The following ACO1 variants were observed in gnomAD, a reference collection of about 807,000 sequenced individuals.
ACO1 encodes the protein cytoplasmic aconitate hydratase.
A neutral mutation model predicts 105.1 loss-of-function variants in ACO1; 78 were observed. The observed-to-expected ratio is 0.74, with a 90% CI of 0.62 to 0.90. The LOEUF (loss-of-function observed/expected upper bound fraction) is 0.90. ACO1 is among the 40% of genes least tolerant of loss of function. The probability of loss-of-function intolerance (pLI) is 0.00; values close to 1 mark genes in which losing one functional copy is unlikely to be tolerated. For synonymous variants in ACO1, 364 were observed against 397.4 expected (o/e 0.92, Z 1.00); for missense variants, 965 against 1,111.1 (o/e 0.87, Z 1.87).
rs1390754139 is a variant in ACO1, at chr9:32,429,194, A to T, written c.1485-225A>T. ...TTTCAACTTTTTTAAATTGTTGCTC[A>T]TTCAATTTGATTCCTTTTTATAAGT... On this transcript the variant is annotated intron_variant, in intron 12 of 20. Coordinates refer to ENST00000309951, the MANE Select transcript of ACO1 (RefSeq NM_002197.3). Among the ~76,000 whole-genome samples, 3 of 152,230 alleles carry T rather than the reference A, an allele frequency of 2.0e-5. No individual in the cohort carries two copies. The East Asian group carries it at 5.8e-4, about 29-fold the overall frequency.
intron 9 of ACO1, 72 bp downstream of exon 9, chr9:32,423,491 T>C: frequency 9.6e-7 from 1 of 1,037,450 alleles, no homozygotes; most frequent in African/African-American, 1.6e-5. Flanking sequence ...TGGTTTTTCT[T>C]GGGGGAATGC....
rs541311364 is a variant in ACO1 at position 32,453,041 on chromosome 9, T to C, written c.*2930T>C. 2.1e-5 allele frequency: 3 copies of C among 142,840 alleles called. No individual in the cohort carries two copies. Among genetic ancestry groups the C allele is most frequent in the Admixed American group, 1.5e-4 (2 of 13,578 alleles). 8.8% of individuals were successfully genotyped at this position (142,840 alleles called of 1,614,324 possible). ...CACTAACAAGCCTAAATAAACCAACTTCTTTTACCTGGTTCTTTAAGGGCT... is the reference window on the plus strand; with the variant it reads ...CACTAACAAGCCTAAATAAACCAACCTCTTTTACCTGGTTCTTTAAGGGCT... On this transcript the variant is annotated 3_prime_UTR_variant, in exon 21 of 21. Transcript: ENST00000309951.
At chr9:32,429,535 G>A in intron 13 of ACO1, 32 bp downstream of exon 13, 1 of 1,579,926 alleles carries the variant, frequency 6.3e-7, no homozygotes, top group Non-Finnish European at 8.7e-7. Context: ...GGTCTTCAGA[G>A]CAGTTGTTTC....
intron 15 of ACO1, among the ~76,000 whole-genome samples, chr9:32,432,192 G>A (rs1041066874): frequency 6.6e-6 from 1 of 152,136 alleles, no homozygotes; most frequent in Non-Finnish European, 1.5e-5. Flanking sequence ...GTGTCACTAA[G>A]TGGAGTCCAT....
In ACO1 at chr9:32,450,217, G is replaced by A. The variant is rs775052309; in HGVS notation, c.*106G>A. The A allele has an allele frequency of 6.9e-6, 6 of 863,502 alleles. No homozygotes were observed. Among genetic ancestry groups the A allele is most frequent in the Non-Finnish European group, 1.2e-5 (6 of 500,308 alleles). 53.5% of individuals were successfully genotyped at this position (863,502 alleles called of 1,614,324 possible). On this transcript the variant is annotated 3_prime_UTR_variant, in exon 21 of 21. Transcript: ENST00000309951. Reference sequence around the variant, plus strand: ...CTGCCTCTGGGAGGGGTGCTGCCTTGTAGATGGAGCAAGTGAGCACTGAGG... The same window carrying A: ...CTGCCTCTGGGAGGGGTGCTGCCTTATAGATGGAGCAAGTGAGCACTGAGG...
At position 32,453,787 on chromosome 9, in the gene ACO1, C is replaced by T. The variant is rs962760935; in HGVS notation, c.*3676C>T. 6.6e-6 allele frequency: 1 copy of T among 152,200 alleles called. No homozygotes were observed. The highest frequency in any genetic ancestry group is 1.5e-5 in the Non-Finnish European group (1 of 68,040). The allele number at this position is 152,200 out of a possible 1,614,324, so 9.4% of individuals were successfully genotyped here. On this transcript the variant is annotated 3_prime_UTR_variant, in exon 21 of 21. Coordinates refer to ENST00000309951, the MANE Select transcript of ACO1 (RefSeq NM_002197.3). The stretch of plus-strand genomic sequence containing the variant: ...TAGCCAAGGTTCTACTGGCTGCCTT[C>T]TTAGGACATTATTAAATATCATAAA...
intron 9 of ACO1, among the ~76,000 whole-genome samples, chr9:32,423,756 A>G (rs932895773): frequency 6.6e-6 from 1 of 152,190 alleles, no homozygotes; most frequent in African/African-American, 2.4e-5. Context: ...ACTCAGGGCA[A>G]AGGGTGGGAG....
intron 1 of ACO1, among the ~76,000 whole-genome samples, chr9:32,393,515 T>C (rs1164807983): frequency 6.6e-6 from 1 of 152,210 alleles, no homozygotes; most frequent in Non-Finnish European, 1.5e-5. Context: ...CTCAGTCTTA[T>C]GGTCCTGTGA....
chr9:32,432,663 C>T (rs1822265854), intron 15 of ACO1, among the ~76,000 whole-genome samples: 1 of 152,164 alleles, frequency 6.6e-6, no homozygotes, highest in African/African-American at 2.4e-5. Context: ...AGGCCACTTC[C>T]CAAAACACTC....
chr9:32,418,577 C>A, intron 6 of ACO1, 66 bp downstream of exon 6: 1 of 1,494,638 alleles, frequency 6.7e-7, no homozygotes, highest in Non-Finnish European at 9.1e-7. Context: ...TCTATTACAT[C>A]TCAGTAACAT....
chr9:32,454,758 C>T lies in ACO1; in HGVS notation c.*4647C>T, dbSNP rs1463031857. 1 of 151,382 alleles carries T rather than the reference C, an allele frequency of 6.6e-6. No homozygotes were observed. The highest frequency in any genetic ancestry group is 2.1e-4 in the South Asian group (1 of 4,752). 9.4% of individuals were successfully genotyped at this position (151,382 alleles called of 1,614,324 possible). A position where few individuals can be genotyped will look rare whatever the true frequency, so the allele number is the denominator to read the frequency against. On this transcript the variant is annotated 3_prime_UTR_variant, in exon 21 of 21. Transcript: ENST00000309951. Reference sequence around the variant, plus strand: ...GCAATGACATTATTCCATTAAAAGTCAAACAAGGAAATGCTAAGTTCTCCT... The same window carrying T: ...GCAATGACATTATTCCATTAAAAGTTAAACAAGGAAATGCTAAGTTCTCCT...
intron 1 of ACO1, among the ~76,000 whole-genome samples, chr9:32,400,233 A>T (rs975763958): frequency 6.6e-6 from 1 of 151,992 alleles, no homozygotes. Flanking sequence ...GACCTCCTAA[A>T]GTGCTGGGAT....
Position 32,430,478 on chromosome 9 carries a change from C to T in ACO1, c.1630C>T (p.Pro544Ser), listed in dbSNP as rs1214471885. The T allele has an allele frequency of 1.9e-6, 3 of 1,611,748 alleles. No homozygotes were observed. The highest frequency in any genetic ancestry group is 2.5e-6 in the Non-Finnish European group (3 of 1,179,170). ...GNRNFEGRVH[P>S]NTRANYLASP... ...CAGGAATTTTGAAGGTCGAGTTCACCCCAACACCCGGGCCAACTATTTAGC... is the reference window on the plus strand; with the variant it reads ...CAGGAATTTTGAAGGTCGAGTTCACTCCAACACCCGGGCCAACTATTTAGC... Residue 544 changes from proline (P) to serine (S), a missense_variant, in exon 14 of 21, where the codon CCC becomes TCC. Physicochemically the swap from Pro to Ser is moderately conservative, Grantham distance 74. Coordinates refer to ENST00000309951, the MANE Select transcript of ACO1 (RefSeq NM_002197.3).
intron 4 of ACO1, among the ~76,000 whole-genome samples, chr9:32,412,627 C>A (rs982214542): frequency 6.6e-5 from 10 of 152,162 alleles, no homozygotes; most frequent in African/African-American, 2.4e-4. Flanking sequence ...ATGTACTCGC[C>A]AACTCTTCCC....
chr9:32,428,132 C>T (rs556535881), intron 12 of ACO1, among the ~76,000 whole-genome samples: 63 of 150,770 alleles, frequency 4.2e-4, no homozygotes, highest in Middle Eastern at 3.4e-3. Context: ...AAATGTAAAA[C>T]AATTAGCCAG....
intron 1 of ACO1, among the ~76,000 whole-genome samples, chr9:32,391,284 A>G (rs1305351861): frequency 1.3e-5 from 2 of 152,236 alleles, no homozygotes; most frequent in Non-Finnish European, 2.9e-5. Context: ...AGTGGCAGAG[A>G]CTGACTTTAA....
chr9:32,407,528 C>G lies in ACO1; in HGVS notation c.266+99C>G, dbSNP rs1177809967. The stretch of plus-strand genomic sequence containing the variant: ...GAAAACACTCTGCAATGACTATATA[C>G]TTTATTAATTTATGACTATATAATA... On this transcript the variant is annotated intron_variant, in intron 3 of 20. Transcript: ENST00000309951. The G allele has an allele frequency of 3.5e-6, 4 of 1,135,682 alleles. No individual in the cohort carries two copies. In the African/African-American group the frequency reaches 4.7e-5, roughly 13 times the overall value. The allele number at this position is 1,135,682 out of a possible 1,614,324, so 70.4% of individuals were successfully genotyped here. A position where few individuals can be genotyped will look rare whatever the true frequency, so the allele number is the denominator to read the frequency against.
Position 32,418,343 on chromosome 9 carries a change from T to C in ACO1, c.490T>C (p.Phe164Leu). ...FEFLKWGSQA[F>L]HNMRIIPPGS... The stretch of plus-strand genomic sequence containing the variant: ...TCAATCCCAGTGGGGTTCCCAGGCT[T>C]TTCACAACATGCGGATTATTCCCCC... The change falls in exon 6 of 21, where the codon TTT (phenylalanine) becomes CTT (leucine). Residue 164 changes from phenylalanine (F) to leucine (L), a missense_variant. Transcript: ENST00000309951. The C allele has an allele frequency of 6.2e-7, 1 of 1,614,178 alleles. No individual in the cohort carries two copies.
At chr9:32,428,567 G>A (rs968847528) in intron 12 of ACO1, among the ~76,000 whole-genome samples, 5 of 152,018 alleles carry the variant, frequency 3.3e-5, no homozygotes, top group Non-Finnish European at 4.4e-5. Flanking sequence ...GGCTGGGCGC[G>A]GTGGCTCATG....
Sources: gnomAD v4.1 joint callset for allele counts (sites outside exome capture counted in the v4.1 genomes callset) on GRCh38, gnomAD v4.1.1 for gene constraint, MANE v1.5 for transcripts, NCBI Gene and HGNC (gene_info 2026-07-23, HGNC 2026-07-21) for gene names.